Variants in INPP4B observed in about 807,000 individuals in gnomAD.
INPP4B encodes the protein inositol polyphosphate-4-phosphatase type II B.
A neutral mutation model predicts 122.5 loss-of-function variants in INPP4B; 55 were observed. That is an observed-to-expected ratio of 0.45 (90% CI 0.36 to 0.56). The LOEUF (loss-of-function observed/expected upper bound fraction) is 0.56. INPP4B is among the 20% of genes least tolerant of loss of function. The pLI is 0.00. For missense variants in INPP4B, 1,000 were observed against 1,097.7 expected, an observed-to-expected ratio of 0.91 and a Z score of 1.26; for synonymous variants, 403 against 388.7, an observed-to-expected ratio of 1.04 and a Z score of -0.43.
In INPP4B at chr4:142,320,479, A is replaced by ACAGT. The variant is rs372689608; in HGVS notation, c.373-5718_373-5717insACTG. On this transcript the variant is annotated intron_variant, in intron 7 of 25. Coordinates refer to ENST00000262992, the MANE Select transcript of INPP4B (RefSeq NM_001101669.3). ...AATTTGGATGTTTACATTTGTTTTG[A>ACAGT]CAGAATAATTTAGATCCTCCGTTCT... is the stretch of plus-strand genomic sequence containing the variant. 3.7e-3 allele frequency among the ~76,000 whole-genome samples: 556 copies of ACAGT among 152,296 alleles called. 1 individual carries two copies. The highest frequency in any genetic ancestry group is 0.013 in the African/African-American group (528 of 41,570).
At chr4:142,062,963 T>C (rs186744773) in intron 25 of INPP4B, among the ~76,000 whole-genome samples, 1 of 152,310 alleles carries the variant, frequency 6.6e-6, no homozygotes, top group Admixed American at 6.5e-5. Flanking sequence ...TCGTAGGCAC[T>C]TCAATATAAT....
chr4:142,510,937 A>C (rs1824631331), intron 2 of INPP4B, among the ~76,000 whole-genome samples: 1 of 152,156 alleles, frequency 6.6e-6, no homozygotes, highest in East Asian at 1.9e-4. Context: ...TTTACTTCCA[A>C]ATTTTCTAAA....
At chr4:142,141,463 T>C (rs549380366) in intron 18 of INPP4B, among the ~76,000 whole-genome samples, 87 of 152,198 alleles carry the variant, frequency 5.7e-4, no homozygotes, top group African/African-American at 2.1e-3. Flanking sequence ...GGTATTTGAG[T>C]GTACTACAAA....
chr4:142,739,910 C>T (rs574215309), intron 1 of INPP4B, among the ~76,000 whole-genome samples: 2 of 152,120 alleles, frequency 1.3e-5, no homozygotes, highest in East Asian at 1.9e-4. Context: ...TTCACAATAA[C>T]TATTGAAAAG....
At chr4:142,620,725 C>T (rs902567098) in intron 2 of INPP4B, among the ~76,000 whole-genome samples, 1 of 151,560 alleles carries the variant, frequency 6.6e-6, no homozygotes, top group Non-Finnish European at 1.5e-5. Context: ...TAGAATTTTA[C>T]AACTATTTAG....
At chr4:142,210,882 G>A (rs1051839942) in intron 12 of INPP4B, among the ~76,000 whole-genome samples, 2 of 152,182 alleles carry the variant, frequency 1.3e-5, no homozygotes, top group Non-Finnish European at 2.9e-5. Context: ...ACTGGGGGTG[G>A]TGTACATTTC....
At chr4:142,242,161 T>C (rs998244008) in intron 11 of INPP4B, among the ~76,000 whole-genome samples, 3 of 152,206 alleles carry the variant, frequency 2.0e-5, no homozygotes, top group African/African-American at 7.2e-5. Context: ...CATTTGTATT[T>C]GAAGATATCT....
At chr4:142,391,582 C>A (rs1049525586) in intron 7 of INPP4B, among the ~76,000 whole-genome samples, 3 of 149,438 alleles carry the variant, frequency 2.0e-5, no homozygotes, top group Admixed American at 6.6e-5. Flanking sequence ...AAAAACAAAA[C>A]AAACAAAACA....
At chr4:142,305,798 G>T in intron 8 of INPP4B, 1 of 1,227,930 alleles carries the variant, frequency 8.1e-7, no homozygotes, top group East Asian at 4.4e-5. Context: ...ACAGCACCCA[G>T]AGTTGTTTCA....
chr4:142,155,246 A>G (rs1330570620), intron 17 of INPP4B, among the ~76,000 whole-genome samples: 2 of 152,104 alleles, frequency 1.3e-5, no homozygotes, highest in East Asian at 3.9e-4. Context: ...GATCAGGACA[A>G]TGGTTTTAAA....
intron 15 of INPP4B, among the ~76,000 whole-genome samples, chr4:142,183,686 G>A (rs1335759309): frequency 6.6e-6 from 1 of 152,102 alleles, no homozygotes; most frequent in East Asian, 1.9e-4. Flanking sequence ...TTCCTCCTTG[G>A]ATTCAGTGAA....
At chr4:142,623,721 AC>A (rs1745530639) in intron 2 of INPP4B, among the ~76,000 whole-genome samples, 1 of 90,238 alleles carries the variant, frequency 1.1e-5, no homozygotes, top group Non-Finnish European at 2.3e-5. Flanking sequence ...CTCCCCCCTC[AC>A]CCCACCCCAC....
intron 9 of INPP4B, among the ~76,000 whole-genome samples, chr4:142,278,890 T>C (rs1291849091): frequency 6.6e-6 from 1 of 151,962 alleles, no homozygotes; most frequent in African/African-American, 2.4e-5. Flanking sequence ...CACAAAGGTC[T>C]TGGCTGTCAC....
intron 2 of INPP4B, among the ~76,000 whole-genome samples, chr4:142,541,052 G>T (rs1828888257): frequency 6.6e-6 from 1 of 152,162 alleles, no homozygotes; most frequent in South Asian, 2.1e-4. Flanking sequence ...TATTAGCAGA[G>T]ACTTCCTAAA....
intron 2 of INPP4B, among the ~76,000 whole-genome samples, chr4:142,472,518 A>T (rs1560697047): frequency 6.6e-6 from 1 of 152,164 alleles, no homozygotes; most frequent in Admixed American, 6.5e-5. Context: ...AAGAAAATAT[A>T]TTTCTGAAAT....
chr4:142,464,428 T>G (rs749861716), intron 2 of INPP4B, among the ~76,000 whole-genome samples: 24 of 152,104 alleles, frequency 1.6e-4, no homozygotes, highest in Non-Finnish European at 2.4e-4. Context: ...ATTTTCTCAT[T>G]CATATTATCA....
chr4:142,307,223 G>C (rs1763736686), intron 8 of INPP4B, among the ~76,000 whole-genome samples: 1 of 152,108 alleles, frequency 6.6e-6, no homozygotes, highest in Non-Finnish European at 1.5e-5. Context: ...AGATCCTCCT[G>C]AATCAAAGTA....
intron 1 of INPP4B, among the ~76,000 whole-genome samples, chr4:142,779,830 G>A (rs920138081): frequency 1.3e-5 from 2 of 152,084 alleles, no homozygotes; most frequent in African/African-American, 4.8e-5. Context: ...TATGAGGTTG[G>A]TGCAAAAGTA....
At chr4:142,482,431 CA>C (rs1262281101) in intron 2 of INPP4B, among the ~76,000 whole-genome samples, 1 of 152,096 alleles carries the variant, frequency 6.6e-6, no homozygotes. Flanking sequence ...AGCTGTTATG[CA>C]GAACTTCATT....
Sources: gnomAD v4.1 joint callset for allele counts (sites outside exome capture counted in the v4.1 genomes callset) on GRCh38, gnomAD v4.1.1 for gene constraint, MANE v1.5 for transcripts, NCBI Gene and HGNC (gene_info 2026-07-23, HGNC 2026-07-21) for gene names.